Variants in ART1 observed in about 807,000 individuals in gnomAD.
ART1 encodes the protein ADP-ribosyltransferase 1.
In ART1, 29 loss-of-function variants were observed where a neutral mutation model predicts 27.0. The observed-to-expected ratio is 1.08, with a 90% confidence interval of 0.80 to 1.47. The LOEUF (loss-of-function observed/expected upper bound fraction) is 1.47. Ranked by LOEUF, ART1 falls within the 40% of genes most tolerant of loss-of-function variation. The pLI is 0.00. For missense variants in ART1, 480 were observed against 423.0 expected (o/e 1.13, Z -1.18); for synonymous variants, 201 against 172.2 (o/e 1.17, Z -1.31).
At position 3,664,414 on chromosome 11, in the gene ART1, G is replaced by A. The variant is rs1325408853; in HGVS notation, c.*225G>A. ...GAGACTCTGAATAAAGGGTTGGGCC[G>A]GCGGTGTGGCAGGTACTTCAAGACA... On this transcript the variant is annotated 3_prime_UTR_variant, in exon 5 of 5. Transcript: ENST00000250693. The A allele has an allele frequency of 9.9e-6, 5 of 507,538 alleles. No homozygotes were observed. Among genetic ancestry groups the A allele is most frequent in the Middle Eastern group, 5.2e-4 (1 of 1,910 alleles). The allele number at this position is 507,538 out of a possible 1,614,324, so 31.4% of individuals were successfully genotyped here. A position where few individuals can be genotyped will look rare whatever the true frequency, so the allele number is the denominator to read the frequency against.
Position 3,664,162 on chromosome 11 carries a change from C to T in ART1, c.957C>T (p.Ala319=). The T allele has an allele frequency of 6.2e-7, 1 of 1,614,006 alleles. No individual in the cohort carries two copies. Among genetic ancestry groups the T allele is most frequent in the Non-Finnish European group, 8.5e-7 (1 of 1,180,008 alleles). Residue 319 remains alanine (A), a synonymous_variant, in exon 5 of 5, where the codon GCC becomes GCT. Coordinates refer to ENST00000250693, the MANE Select transcript of ART1 (RefSeq NM_004314.3). ...LLLLWFLVVR[A]FPDGPGLL ...TGCTCTGGTTCCTCGTGGTGAGGGCCTTTCCAGATGGTCCAGGCCTCCTTT... is the reference window on the plus strand; with the variant it reads ...TGCTCTGGTTCCTCGTGGTGAGGGCTTTTCCAGATGGTCCAGGCCTCCTTT...
chr11:3,656,682 G>A (rs929639890), intron 1 of ART1, among the ~76,000 whole-genome samples: 2 of 151,918 alleles, frequency 1.3e-5, no homozygotes, highest in African/African-American at 2.4e-5. Flanking sequence ...AGTAGCAATG[G>A]TGTCTCACAA....
chr11:3,661,376 G>C lies in ART1; in HGVS notation c.849G>C (p.Lys283Asn), dbSNP rs762547413. The change falls in exon 4 of 5, where the codon AAG becomes AAC. Residue 283 changes from lysine (K) to asparagine (N), a missense_variant. Transcript: ENST00000250693. ...STYNCEYIKD[K>N]KCKSGPCHLD... is the part of the protein sequence containing the mutation. ...TTTACTGTTTCTTTTCTATAGACAA[G>C]AAGTGCAAGTCTGGGCCTTGCCATC... The C allele has an allele frequency of 6.2e-7, 1 of 1,609,874 alleles. No homozygotes were observed. Among genetic ancestry groups the C allele is most frequent in the Non-Finnish European group, 8.5e-7 (1 of 1,177,824 alleles).
chr11:3,649,874 C>T (rs970427496), intron 1 of ART1, among the ~76,000 whole-genome samples: 3 of 152,122 alleles, frequency 2.0e-5, no homozygotes, highest in Non-Finnish European at 4.4e-5. Context: ...CGGCAGCAAC[C>T]CTGAGACGCT....
Position 3,659,278 on chromosome 11 carries a change from T to C in ART1, c.63+2T>C. On this transcript the variant is annotated splice_donor_variant, in intron 2 of 4. Transcript: ENST00000250693. LOFTEE classifies it high-confidence loss of function. ...GTGGGCCTCATGGAAGCACTTCAGG[T>C]ATGGGCATCCCCCACTGTTCCCACC... 1 of 1,614,132 alleles carries C rather than the reference T, an allele frequency of 6.2e-7. No homozygotes were observed. Among genetic ancestry groups the C allele is most frequent in the Non-Finnish European group, 8.5e-7 (1 of 1,180,028 alleles).
At chr11:3,653,012 A>C (rs2077537735) in intron 1 of ART1, among the ~76,000 whole-genome samples, 1 of 147,920 alleles carries the variant, frequency 6.8e-6, no homozygotes, top group Admixed American at 6.7e-5. Flanking sequence ...CTACACGACA[A>C]ATGTTTCTTC....
chr11:3,653,170 T>A (rs1045752307), intron 1 of ART1, among the ~76,000 whole-genome samples: 2 of 148,436 alleles, frequency 1.3e-5, no homozygotes, highest in Admixed American at 1.3e-4. Context: ...ATTTTCACCG[T>A]CCCAACACTT....
At chr11:3,648,136 C>T (rs546894585) in intron 1 of ART1, among the ~76,000 whole-genome samples, 2 of 152,146 alleles carry the variant, frequency 1.3e-5, no homozygotes, top group Non-Finnish European at 2.9e-5. Flanking sequence ...GAGAACAACC[C>T]CCCTTTGACT....
In ART1 at chr11:3,660,252, C is replaced by G. The variant is rs200800426; in HGVS notation, c.733C>G (p.Pro245Ala). The part of the protein sequence containing the change: ...FPGEEEVLIP[P>A]FETFQVINAS... ...TGGAGAGGAAGAGGTGCTGATCCCC[C>G]CCTTTGAGACCTTCCAAGTGATCAA... Residue 245 changes from proline to alanine, a missense_variant, in exon 3 of 5, where the codon CCC (proline) becomes GCC (alanine). Physicochemically the swap from Pro to Ala is conservative, Grantham distance 27. Transcript: ENST00000250693. The G allele has an allele frequency of 1.9e-4, 311 of 1,613,488 alleles. No homozygotes were observed. Among genetic ancestry groups the G allele is most frequent in the Middle Eastern group, 4.9e-4 (3 of 6,062 alleles).
chr11:3,663,758 T>G, intron 4 of ART1: 1 of 232,114 alleles, frequency 4.3e-6, no homozygotes, highest in South Asian at 5.8e-5. Flanking sequence ...CCTGGCTACT[T>G]TTTGTATTTT....
chr11:3,648,982 C>T (rs1355839682), intron 1 of ART1, among the ~76,000 whole-genome samples: 23 of 104,540 alleles, frequency 2.2e-4, no homozygotes, highest in Admixed American at 1.7e-3. Context: ...TTCCACGCCC[C>T]GACCTCTTAT....
chr11:3,658,993 C>T (rs997315213), intron 1 of ART1, among the ~76,000 whole-genome samples, 169 bp from the exon 2 acceptor site: 7 of 152,032 alleles, frequency 4.6e-5, no homozygotes, highest in African/African-American at 1.5e-4. Context: ...GACCTGTTCA[C>T]GTCACTCCTC....
chr11:3,648,591 A>ACGT (rs2077488678), intron 1 of ART1, among the ~76,000 whole-genome samples: 1 of 152,176 alleles, frequency 6.6e-6, no homozygotes, highest in Admixed American at 6.5e-5. Context: ...GTAGAGACAA[A>ACGT]GGAGACACGT....
chr11:3,656,908 C>T (rs978941930), intron 1 of ART1, among the ~76,000 whole-genome samples: 11 of 152,090 alleles, frequency 7.2e-5, no homozygotes, highest in Admixed American at 3.9e-4. Context: ...ATAATGAGCT[C>T]CATTTTGGAC....
intron 1 of ART1, chr11:3,655,443 C>G (rs1460935784): frequency 6.6e-6 from 1 of 152,232 alleles, no homozygotes; most frequent in East Asian, 1.9e-4. Context: ...TGGTTGAAGG[C>G]TGTCCTTGAG....
At chr11:3,657,254 A>G (rs2077582329) in intron 1 of ART1, among the ~76,000 whole-genome samples, 1 of 152,168 alleles carries the variant, frequency 6.6e-6, no homozygotes, top group African/African-American at 2.4e-5. Flanking sequence ...ATAAAGACCC[A>G]TTGACTATAT....
intron 1 of ART1, among the ~76,000 whole-genome samples, chr11:3,656,011 C>A (rs2077572065): frequency 6.8e-6 from 1 of 146,806 alleles, no homozygotes; most frequent in Admixed American, 7.3e-5. Context: ...CGGGTCACTG[C>A]AACCTCCACC....
At chr11:3,645,398 G>A (rs1236675893) in intron 1 of ART1, among the ~76,000 whole-genome samples, 1 of 152,170 alleles carries the variant, frequency 6.6e-6, no homozygotes, top group Non-Finnish European at 1.5e-5. Flanking sequence ...TGTTCAGCAA[G>A]GGCCTGGATG....
intron 4 of ART1, 46 bp downstream of exon 4, chr11:3,661,459 G>C: frequency 6.6e-7 from 1 of 1,509,608 alleles, no homozygotes; most frequent in Non-Finnish European, 9.0e-7. Flanking sequence ...GGATGAGCAG[G>C]CTGCTCTGGG....
Sources: gnomAD v4.1 joint callset for allele counts (sites outside exome capture counted in the v4.1 genomes callset) on GRCh38, gnomAD v4.1.1 for gene constraint, MANE v1.5 for transcripts, NCBI Gene and HGNC (gene_info 2026-07-23, HGNC 2026-07-21) for gene names.